APC2: variants seen among roughly 807,000 people sequenced by gnomAD.
The protein encoded by APC2 is APC regulator of Wnt signaling pathway 2.
Under a neutral mutation model 72.5 loss-of-function variants are expected in APC2, and 41 were observed. The ratio of observed to expected loss-of-function variants is 0.57; its 90% CI spans 0.44 to 0.73. APC2 has a LOEUF of 0.73. Ranked by LOEUF, APC2 falls within the 30% of genes least tolerant of loss-of-function variation. APC2 has a pLI of 0.00. For missense variants in APC2, 3,729 were observed against 3,403.4 expected, an observed-to-expected ratio of 1.10 and a Z score of -2.38; for synonymous variants, 1,898 against 1,612.0, an observed-to-expected ratio of 1.18 and a Z score of -4.25.
In APC2 at chr19:1,470,020, T is replaced by A; in HGVS notation, c.6719T>A (p.Ile2240Asn). ...VDGPSLAKAP[I>N]SAPFVHEGLG... ...GGTCCCAGCCTCGCCAAGGCTCCCA[T>A]CTCCGCACCCTTCGTGCACGAGGGC... Residue 2240 changes from isoleucine (I) to asparagine (N), a missense_variant, in exon 15 of 15, where the codon ATC (isoleucine) becomes AAC (asparagine). Coordinates refer to ENST00000590469, the MANE Select transcript of APC2 (RefSeq NM_005883.3). The A allele has an allele frequency of 6.4e-7, 1 of 1,554,476 alleles. No homozygotes were observed. Among genetic ancestry groups the A allele is most frequent in the Non-Finnish European group, 8.7e-7 (1 of 1,155,740 alleles).
chr19:1,455,486 G>T lies in APC2; in HGVS notation c.625G>T (p.Val209Leu). The T allele has an allele frequency of 1.2e-6, 2 of 1,602,382 alleles. No individual in the cohort carries two copies. Among genetic ancestry groups the T allele is most frequent in the Middle Eastern group, 1.8e-4 (1 of 5,492 alleles). Residue 209 changes from valine to leucine, a missense_variant, in exon 6 of 15, where the codon GTG becomes TTG. Val to Leu is a conservative substitution (Grantham distance 32, BLOSUM62 1). Coordinates refer to ENST00000590469, the MANE Select transcript of APC2 (RefSeq NM_005883.3). Reference sequence around the variant, plus strand: ...GCGCTTCGGCACCTCGGACGAGATGGTGCAGCGGGCACAGGTGCGGCGGTG... The same window carrying T: ...GCGCTTCGGCACCTCGGACGAGATGTTGCAGCGGGCACAGGTGCGGCGGTG... The part of the protein sequence containing the change: ...EERFGTSDEM[V>L]QRAQIRASRL...
upstream of APC2, among the ~76,000 whole-genome samples, chr19:1,448,768 T>C (rs1455033434): frequency 3.5e-5 from 5 of 141,142 alleles, no homozygotes; most frequent in African/African-American, 5.3e-5. Context: ...GGCGTGAACC[T>C]GGGAGGCGGA....
Position 1,456,881 on chromosome 19 carries a change from T to C in APC2, c.845T>C (p.Met282Thr). 1 of 1,594,354 alleles carries C rather than the reference T, an allele frequency of 6.3e-7. No individual in the cohort carries two copies. The highest frequency in any genetic ancestry group is 2.3e-5 in the East Asian group (1 of 44,198). The change falls in exon 9 of 15, where the codon ATG becomes ACG. Residue 282 changes from methionine to threonine, a missense_variant. Physicochemically the swap from Met to Thr is moderately conservative, Grantham distance 81. Coordinates refer to ENST00000590469, the MANE Select transcript of APC2 (RefSeq NM_005883.3). ...GAGGTGGTCTTCTGGCTGTTGTCCA[T>C]GTTGGCGACGCGCGACCAGGAGGAT... The part of the protein sequence containing the change: ...KVEVVFWLLS[M>T]LATRDQEDTA...
In APC2 at chr19:1,470,224, C is replaced by T. The variant is rs779190767; in HGVS notation, c.*11C>T. The T allele has an allele frequency of 1.9e-6, 3 of 1,575,016 alleles. No homozygotes were observed. The highest frequency in any genetic ancestry group is 1.8e-5 in the Admixed American group (1 of 56,282). ...ACCCTCCTGGAATAGTGGCCTAGGC[C>T]GGCCTTCTGGAACGTTCTCTCCCGG... On this transcript the variant is annotated 3_prime_UTR_variant, in exon 15 of 15. Transcript: ENST00000590469.
At chr19:1,448,391 A>C (rs1344575636), upstream of APC2, among the ~76,000 whole-genome samples, 1 of 152,030 alleles carries the variant, frequency 6.6e-6, no homozygotes, top group African/African-American at 2.4e-5. Context: ...TATTAAAAAT[A>C]CAAAAATTAG....
chr19:1,446,254 C>CG, upstream of APC2: 1 of 984,378 alleles, frequency 1.0e-6, no homozygotes, highest in African/African-American at 1.7e-5. The surrounding 1 kb of genome is among the most constrained non-coding windows in gnomAD (Gnocchi z 6.1). Flanking sequence ...CGCCGAGGGG[C>CG]GGGGCGCGGC....
At chr19:1,460,495 G>A (rs777677433) in intron 11 of APC2, among the ~76,000 whole-genome samples, 175 bp downstream of exon 11, 11 of 152,216 alleles carry the variant, frequency 7.2e-5, no homozygotes, top group Non-Finnish European at 1.2e-4. Flanking sequence ...ACGGGAGCGC[G>A]TGCTGAACCT....
At chr19:1,461,928 G>T in intron 13 of APC2, 35 bp from the exon 14 acceptor site, 2 of 1,568,430 alleles carry the variant, frequency 1.3e-6, no homozygotes, top group Non-Finnish European at 1.7e-6. Context: ...GGGCCACTCA[G>T]GCCCTGACCC....
rs1273977687 is a variant in APC2 at position 1,469,244 on chromosome 19, C to A, written c.5943C>A (p.Ser1981Arg). The A allele has an allele frequency of 1.4e-6, 2 of 1,425,520 alleles. No homozygotes were observed. The highest frequency in any genetic ancestry group is 1.3e-5 in the South Asian group (1 of 77,140). The allele number at this position is 1,425,520 out of a possible 1,614,324, so 88.3% of individuals were successfully genotyped here. The change falls in exon 15 of 15, where the codon AGC becomes AGA. Residue 1981 changes from serine to arginine, a missense_variant. Transcript: ENST00000590469. ...TGCGTGTGGCCTCAGCCCTCTCCAG[C>A]GGCAGCGAGTCCTCCGACCGCTCGG... ...GLVRVASALS[S>R]GSESSDRSGF... is the part of the protein sequence containing the mutation.
chr19:1,460,922 C>T (rs1055766471), intron 12 of APC2, 65 bp downstream of exon 12: 15 of 1,597,182 alleles, frequency 9.4e-6, no homozygotes, highest in South Asian at 2.2e-5. Context: ...CCCTCCCCAG[C>T]GGTGTGGTGG....
intron 9 of APC2, chr19:1,457,536 CAA>C: frequency 3.8e-6 from 2 of 527,974 alleles, no homozygotes; most frequent in East Asian, 7.0e-5. Context: ...CAGTTGATCG[CAA>C]AGTTAATATG....
At position 1,466,648 on chromosome 19, in the gene APC2, C is replaced by T. The variant is rs1028241897; in HGVS notation, c.3347C>T (p.Ala1116Val). Reference sequence around the variant, plus strand: ...GCTGAGCTGGACAGCACGTGGCGGGCGCCCGGGGCCACCTCGCTGCCCGTA... The same window carrying T: ...GCTGAGCTGGACAGCACGTGGCGGGTGCCCGGGGCCACCTCGCTGCCCGTA... ...SEAELDSTWR[A>V]PGATSLPVAI... Residue 1116 changes from alanine (A) to valine (V), a missense_variant, in exon 15 of 15, where the codon GCG becomes GTG. Physicochemically the swap from Ala to Val is moderately conservative, Grantham distance 64. Coordinates refer to ENST00000590469, the MANE Select transcript of APC2 (RefSeq NM_005883.3). 34 of 1,493,612 alleles carry T rather than the reference C, an allele frequency of 2.3e-5. No individual in the cohort carries two copies. In the Admixed American group the frequency reaches 5.5e-4, roughly 24 times the overall value. The allele number at this position is 1,493,612 out of a possible 1,614,324, so 92.5% of individuals were successfully genotyped here.
intron 9 of APC2, 139 bp from the exon 10 acceptor site, chr19:1,457,826 A>G (rs571986612): frequency 1.4e-6 from 1 of 710,048 alleles, no homozygotes; most frequent in Non-Finnish European, 2.4e-6. Flanking sequence ...GAGGCTGGGA[A>G]AGGAAGTCCC....
rs1193472013 is a variant in APC2, at chr19:1,466,053, G to A, written c.2752G>A (p.Ala918Thr). ...RAHPLLRLKAAHASLSNDSLN... is the reference protein window; with the variant it reads ...RAHPLLRLKATHASLSNDSLN... The stretch of plus-strand genomic sequence containing the variant: ...GCACCCGCTGCTGCGGCTCAAGGCG[G>A]CCCACGCCAGCCTCTCCAACGACAG... The change falls in exon 15 of 15, where the codon GCC becomes ACC. Residue 918 changes from alanine to threonine, a missense_variant. Ala to Thr is a moderately conservative substitution (Grantham distance 58, BLOSUM62 0). Transcript: ENST00000590469. The A allele has an allele frequency of 2.7e-6, 4 of 1,503,106 alleles. No homozygotes were observed. Among genetic ancestry groups the A allele is most frequent in the Non-Finnish European group, 3.5e-6 (4 of 1,136,940 alleles). The allele number at this position is 1,503,106 out of a possible 1,614,324, so 93.1% of individuals were successfully genotyped here.
intron 8 of APC2, among the ~76,000 whole-genome samples, chr19:1,456,606 C>T (rs1273472725): frequency 6.6e-6 from 1 of 152,126 alleles, no homozygotes; most frequent in Admixed American, 6.5e-5. Flanking sequence ...GTAGCGGGGG[C>T]TAAGTGGGGC....
chr19:1,465,576 C>A lies in APC2; in HGVS notation c.2275C>A (p.Pro759Thr). Residue 759 changes from proline to threonine, a missense_variant, in exon 15 of 15, where the codon CCG (proline) becomes ACG (threonine). Pro to Thr is a conservative substitution (Grantham distance 38). Coordinates refer to ENST00000590469, the MANE Select transcript of APC2 (RefSeq NM_005883.3). The stretch of plus-strand genomic sequence containing the variant: ...CGAGGCCGCCACTAAGAAGCCGCTG[C>A]CGCCCCTGCGACACCTGGACGGCCT... ...AAEAATKKPL[P>T]PLRHLDGLAQ... The A allele has an allele frequency of 6.4e-7, 1 of 1,563,736 alleles. No individual in the cohort carries two copies. The highest frequency in any genetic ancestry group is 1.9e-5 in the Admixed American group (1 of 53,272).
upstream of APC2, chr19:1,446,288 A>G: frequency 1.0e-6 from 1 of 981,996 alleles, no homozygotes; most frequent in Non-Finnish European, 1.2e-6. This position sits in a 1 kb window ranked among gnomAD's most constrained non-coding sequence, Gnocchi z 6.1. Flanking sequence ...CCGCGGCTCC[A>G]TGGGGCTCCT....
In APC2 at chr19:1,467,530, C is replaced by A; in HGVS notation, c.4229C>A (p.Thr1410Lys). 1.4e-6 allele frequency: 2 copies of A among 1,478,696 alleles called. No individual in the cohort carries two copies. Among genetic ancestry groups the A allele is most frequent in the Non-Finnish European group, 8.9e-7 (1 of 1,119,280 alleles). The allele number at this position is 1,478,696 out of a possible 1,614,324, so 91.6% of individuals were successfully genotyped here. A position where few individuals can be genotyped will look rare whatever the true frequency, so the allele number is the denominator to read the frequency against. Reference sequence around the variant, plus strand: ...AGCGCCGCCTCGCTCAGCGACGAGACGCTGCAGGGACCCCCCAGGGACCAG... The same window carrying A: ...AGCGCCGCCTCGCTCAGCGACGAGAAGCTGCAGGGACCCCCCAGGGACCAG... ...FSSAASLSDE[T>K]LQGPPRDQPG... Residue 1410 changes from threonine (T) to lysine (K), a missense_variant, in exon 15 of 15, where the codon ACG becomes AAG. Physicochemically the swap from Thr to Lys is moderately conservative, Grantham distance 78. Transcript: ENST00000590469.
chr19:1,450,026 G>C (rs1269795055), upstream of APC2: 11 of 730,812 alleles, frequency 1.5e-5, no homozygotes, highest in Non-Finnish European at 1.7e-5. Context: ...CCCCGCCCCG[G>C]GCCGCCATTG....
Sources: gnomAD v4.1 joint callset for allele counts (sites outside exome capture counted in the v4.1 genomes callset) on GRCh38, gnomAD v4.1.1 for gene constraint, Gnocchi (gnomAD v3.1) non-coding constraint, MANE v1.5 for transcripts, NCBI Gene and HGNC (gene_info 2026-07-23, HGNC 2026-07-21) for gene names.